Variants in DNAH8 observed in about 807,000 individuals in gnomAD.
DNAH8 encodes the protein axonemal beta dynein heavy chain 8.
DNAH8 carries 382 observed loss-of-function variants against 562.1 expected under a neutral mutation model. That is an observed-to-expected ratio of 0.68 (90% CI 0.63 to 0.74). The LOEUF (loss-of-function observed/expected upper bound fraction) is 0.74. Among genes scored for constraint, DNAH8 ranks in the 30% least tolerant of loss-of-function variants. The pLI is 0.00. For missense variants in DNAH8, 5,203 were observed against 5,620.4 expected, an observed-to-expected ratio of 0.93 and a Z score of 2.37; for synonymous variants, 1,881 against 1,919.4, an observed-to-expected ratio of 0.98 and a Z score of 0.52.
rs756992054 is a variant in DNAH8 at position 38,958,014 on chromosome 6, TG to T, written c.12451+6495del. 1.4e-3 allele frequency among the ~76,000 whole-genome samples: 209 copies of T among 151,990 alleles called. 1 individual carries two copies. The highest frequency in any genetic ancestry group is 4.5e-3 in the African/African-American group (187 of 41,512). On this transcript the variant is annotated intron_variant, in intron 82 of 92. Coordinates refer to ENST00000327475, the MANE Select transcript of DNAH8 (RefSeq NM_001206927.2). Reference sequence around the variant, plus strand: ...AAATAAATACAATAGTGTTTTGTTTTGTTTTTTTTTATGAAGTCTTGTTGTC... The same window carrying T: ...AAATAAATACAATAGTGTTTTGTTTTTTTTTTTTTATGAAGTCTTGTTGTC...
chr6:38,735,195 AATG>A (rs1235204985), intron 5 of DNAH8, among the ~76,000 whole-genome samples: 3 of 152,230 alleles, frequency 2.0e-5, no homozygotes, highest in Non-Finnish European at 2.9e-5. Flanking sequence ...AGTGACACTA[AATG>A]ATAATATAAA....
chr6:38,721,267 G>A (rs1446014144), intron 1 of DNAH8, among the ~76,000 whole-genome samples: 2 of 152,038 alleles, frequency 1.3e-5, no homozygotes, highest in Non-Finnish European at 2.9e-5. Context: ...GTACTGTTTG[G>A]CAGTACCATG....
At chr6:38,951,009 C>T (rs1414549815) in intron 81 of DNAH8, among the ~76,000 whole-genome samples, 1 of 152,168 alleles carries the variant, frequency 6.6e-6, no homozygotes, top group African/African-American at 2.4e-5. Context: ...GGTTCCTCCT[C>T]TGAAAAGGCT....
chr6:38,770,887 C>T (rs1767505406), intron 12 of DNAH8, among the ~76,000 whole-genome samples: 1 of 152,162 alleles, frequency 6.6e-6, no homozygotes, highest in African/African-American at 2.4e-5. Flanking sequence ...GAAATACCTG[C>T]AATGCCTGAT....
chr6:38,727,925 C>T (rs1763357366), intron 3 of DNAH8, among the ~76,000 whole-genome samples: 1 of 152,118 alleles, frequency 6.6e-6, no homozygotes, highest in African/African-American at 2.4e-5. Flanking sequence ...GAGGTCCAAT[C>T]CCAGGTTCTG....
At chr6:38,722,300 T>G (rs538411749) in intron 1 of DNAH8, among the ~76,000 whole-genome samples, 1 of 152,308 alleles carries the variant, frequency 6.6e-6, no homozygotes, top group East Asian at 1.9e-4. Context: ...ATGAACTGTA[T>G]TGCATTACAT....
rs1005411091 is a variant in DNAH8, at chr6:38,948,412, C to T, written c.12130-1040C>T. 3.9e-5 allele frequency among the ~76,000 whole-genome samples: 6 copies of T among 152,214 alleles called. No individual in the cohort carries two copies. In the South Asian group the frequency reaches 1.2e-3, roughly 32 times the overall value. ...GGAGTGCAATGGCACAATCTTGGCT[C>T]ACAGCAACATCTGCCTCCTCGGTTC... On this transcript the variant is annotated intron_variant, in intron 80 of 92. Coordinates refer to ENST00000327475, the MANE Select transcript of DNAH8 (RefSeq NM_001206927.2).
rs201786459 is a variant in DNAH8 at position 39,019,115 on chromosome 6, AAGAT to A, written c.13714+6482_13714+6485del. 3.0e-3 allele frequency among the ~76,000 whole-genome samples: 457 copies of A among 152,242 alleles called. 1 individual carries two copies. The highest frequency in any genetic ancestry group is 0.01 in the African/African-American group (423 of 41,550). ...CAAATACTGGTGGGAAGGAGAGAGA[AAGAT>A]AGAAAAGGGGTTGTGGGAGGAATGA... On this transcript the variant is annotated intron_variant, in intron 91 of 92. Coordinates refer to ENST00000327475, the MANE Select transcript of DNAH8 (RefSeq NM_001206927.2).
chr6:38,912,232 G>A (rs952143142), intron 66 of DNAH8, among the ~76,000 whole-genome samples: 3 of 152,116 alleles, frequency 2.0e-5, no homozygotes, highest in African/African-American at 7.2e-5. Flanking sequence ...AGAGGCCAAC[G>A]CAAGCGGATC....
At chr6:38,967,405 A>C (rs1033518493) in intron 82 of DNAH8, among the ~76,000 whole-genome samples, 2 of 152,198 alleles carry the variant, frequency 1.3e-5, no homozygotes, top group Non-Finnish European at 2.9e-5. Context: ...ACCAAAAAAC[A>C]ATTAGAGCTA....
intron 87 of DNAH8, among the ~76,000 whole-genome samples, chr6:38,985,304 G>A (rs532552894): frequency 2.0e-5 from 3 of 152,230 alleles, no homozygotes; most frequent in South Asian, 4.2e-4. Context: ...TAACACCTAA[G>A]TGAGAAAAAA....
chr6:38,766,842 TA>T (rs951233731), intron 11 of DNAH8, among the ~76,000 whole-genome samples: 2 of 152,162 alleles, frequency 1.3e-5, no homozygotes, highest in Admixed American at 6.5e-5. Context: ...TTGTCAATTA[TA>T]CCTCAATAAA....
Position 38,929,504 on chromosome 6 carries a change from T to G in DNAH8, c.11119-7T>G. ...CACAGATAGACCAATGAGTTCTTTC[T>G]GTTTAGGTGACATCTCTGAACCATA... On this transcript the variant is annotated splice_polypyrimidine_tract_variant and splice_region_variant and intron_variant, in intron 74 of 92. Transcript: ENST00000327475. 1 of 1,604,214 alleles carries G rather than the reference T, an allele frequency of 6.2e-7. No homozygotes were observed. Among genetic ancestry groups the G allele is most frequent in the South Asian group, 1.1e-5 (1 of 88,946 alleles).
At chr6:38,927,997 CAAA>C (rs1162767702) in intron 74 of DNAH8, 2 of 152,096 alleles carry the variant, frequency 1.3e-5, no homozygotes, top group Non-Finnish European at 2.9e-5. Context: ...AAATGAAAAA[CAAA>C]GCATAGTTTT....
At position 38,883,436 on chromosome 6, in the gene DNAH8, A is replaced by G; in HGVS notation, c.8116A>G (p.Thr2706Ala). ...CAAAAGTCTAAACTTTTCATCTGCC[A>G]CAGAACCAATGATGTTTCAGGTGAA... ...LSKSLNFSSA[T>A]EPMMFQRTIE... Residue 2706 changes from threonine to alanine, a missense_variant, in exon 55 of 93, where the codon ACA becomes GCA. This residue lies in a region of DNAH8 where 977 missense variants were observed against 1,061.8 expected (regional missense o/e 0.92). Coordinates refer to ENST00000327475, the MANE Select transcript of DNAH8 (RefSeq NM_001206927.2). 1 of 1,611,158 alleles carries G rather than the reference A, an allele frequency of 6.2e-7. No homozygotes were observed. The highest frequency in any genetic ancestry group is 1.1e-5 in the South Asian group (1 of 90,222).
intron 53 of DNAH8, among the ~76,000 whole-genome samples, chr6:38,881,639 C>T (rs1778502456): frequency 6.6e-6 from 1 of 151,678 alleles, no homozygotes; most frequent in South Asian, 2.1e-4. Context: ...ACAACCTCCG[C>T]CTCCCGGGTT....
intron 8 of DNAH8, among the ~76,000 whole-genome samples, chr6:38,744,819 A>C (rs1582885699): frequency 6.6e-6 from 1 of 152,080 alleles, no homozygotes; most frequent in East Asian, 1.9e-4. Context: ...GCTGGTCTCA[A>C]ACTCCTGGGC....
rs754501306 is a variant in DNAH8 at position 38,945,452 on chromosome 6, G to C, written c.12008-15G>C. On this transcript the variant is annotated splice_polypyrimidine_tract_variant and intron_variant, in intron 79 of 92. Coordinates refer to ENST00000327475, the MANE Select transcript of DNAH8 (RefSeq NM_001206927.2). ...CAGGCTTACCCAATTCACCCTGTCT[G>C]ACGCTCTTCCCCAGGGGGAGCAGCT... 2 of 1,613,946 alleles carry C rather than the reference G, an allele frequency of 1.2e-6. No homozygotes were observed. The highest frequency in any genetic ancestry group is 1.7e-6 in the Non-Finnish European group (2 of 1,179,886).
chr6:38,956,083 G>C (rs1762223871), intron 82 of DNAH8, among the ~76,000 whole-genome samples: 1 of 152,186 alleles, frequency 6.6e-6, no homozygotes, highest in African/African-American at 2.4e-5. Flanking sequence ...CAGTGAACTT[G>C]AAAGTTGCCC....
Sources: allele counts gnomAD v4.1 joint callset (sites outside exome capture counted in the v4.1 genomes callset), GRCh38; gene constraint gnomAD v4.1.1; regional missense constraint gnomAD v4.1.1; transcripts MANE v1.5; gene names NCBI Gene and HGNC (gene_info 2026-07-23, HGNC 2026-07-21).